The following SSUH2 variants were observed in gnomAD, a reference collection of about 807,000 sequenced individuals.
SSUH2 encodes ssu-2 homolog.
Under a neutral mutation model 55.3 loss-of-function variants are expected in SSUH2, and 47 were observed. That is an observed-to-expected ratio of 0.85 (90% CI 0.67 to 1.08). The LOEUF is 1.08. SSUH2 is among the 50% of genes least tolerant of loss of function. The pLI, the probability that SSUH2 is intolerant of heterozygous loss-of-function variation, is 0.00. For synonymous variants in SSUH2, 212 were observed against 191.5 expected (o/e 1.11, Z -0.89); for missense variants, 535 against 490.7 (o/e 1.09, Z -0.85).
chr3:8,662,376 G>A (rs1172182669), intron 6 of SSUH2, among the ~76,000 whole-genome samples: 1 of 152,186 alleles, frequency 6.6e-6, no homozygotes, highest in African/African-American at 2.4e-5. Flanking sequence ...TGTCCAGTCA[G>A]AGCCCTGACC....
chr3:8,647,274 C>T (rs372349115), upstream of SSUH2, among the ~76,000 whole-genome samples: 24 of 152,362 alleles, frequency 1.6e-4, no homozygotes, highest in African/African-American at 5.5e-4. Context: ...CCTATCCATG[C>T]GCAGGCATGC....
intron 5 of SSUH2, among the ~76,000 whole-genome samples, chr3:8,664,758 A>G (rs1357132922): frequency 6.6e-6 from 1 of 152,184 alleles, no homozygotes; most frequent in Non-Finnish European, 1.5e-5. Context: ...AATATCTCTC[A>G]TCTATGGAAA....
At chr3:8,634,800 T>C (rs1017467721) in intron 3 of SSUH2, among the ~76,000 whole-genome samples, 1 of 152,186 alleles carries the variant, frequency 6.6e-6, no homozygotes, top group South Asian at 2.1e-4. Context: ...CAAAGCTGGC[T>C]GGAAACCCTG....
In SSUH2 at chr3:8,657,836, C is replaced by T. The variant is rs769255104; in HGVS notation, c.-307+1089G>A. Among the ~76,000 whole-genome samples, 12 of 152,228 alleles carry T rather than the reference C, an allele frequency of 7.9e-5. 1 individual carries two copies. The highest frequency in any genetic ancestry group is 5.2e-4 in the Admixed American group (8 of 15,286). On this transcript the variant is annotated intron_variant, in intron 7 of 18. Transcript: ENST00000317371. ...TTGCTCAGCAGAGAACCAGGCATGGCGCCACCCTCGCTCTCCAGTATGTGT... is the reference window on the plus strand; with the variant it reads ...TTGCTCAGCAGAGAACCAGGCATGGTGCCACCCTCGCTCTCCAGTATGTGT...
intron 6 of SSUH2, chr3:8,659,498 A>G: frequency 4.1e-6 from 1 of 243,188 alleles, no homozygotes; most frequent in Non-Finnish European, 8.0e-6. Context: ...ACCTCTGGTC[A>G]TGCACACTGT....
chr3:8,675,659 C>G (rs373848728), intron 3 of SSUH2, among the ~76,000 whole-genome samples: 1 of 152,168 alleles, frequency 6.6e-6, no homozygotes, highest in Non-Finnish European at 1.5e-5. Context: ...CGAGAGACTT[C>G]TTAGGAGCTG....
intron 5 of SSUH2, among the ~76,000 whole-genome samples, chr3:8,670,230 GGA>G (rs1704402111): frequency 6.6e-6 from 1 of 152,094 alleles, no homozygotes; most frequent in Non-Finnish European, 1.5e-5. Flanking sequence ...GTCATGTGGC[GGA>G]GAGGGGTGTT....
At chr3:8,664,063 G>A (rs543655590) in intron 5 of SSUH2, among the ~76,000 whole-genome samples, 73 of 152,294 alleles carry the variant, frequency 4.8e-4, no homozygotes, top group African/African-American at 1.7e-3. Context: ...TGACCCAGGT[G>A]CCCTGCCAAG....
At chr3:8,628,099 G>A (rs1302998592) in intron 7 of SSUH2, among the ~76,000 whole-genome samples, 2 of 152,150 alleles carry the variant, frequency 1.3e-5, no homozygotes, top group Non-Finnish European at 1.5e-5. Context: ...GCGCTGGTCA[G>A]GGGCCTGGCA....
intron 5 of SSUH2, among the ~76,000 whole-genome samples, chr3:8,666,542 G>A (rs1343865994): frequency 6.6e-6 from 1 of 152,156 alleles, no homozygotes; most frequent in Admixed American, 6.6e-5. Context: ...AGGTGCGTGT[G>A]TTGGGAAAAA....
At position 8,634,677 on chromosome 3, in the gene SSUH2, G is replaced by A. The variant is rs761847119; in HGVS notation, c.209+623C>T. 77 of 977,594 alleles carry A rather than the reference G, an allele frequency of 7.9e-5. 2 individuals are homozygous for A. The South Asian group carries it at 9.2e-4, about 12-fold the overall frequency. 60.6% of individuals were successfully genotyped at this position (977,594 alleles called of 1,614,324 possible). A position where few individuals can be genotyped will look rare whatever the true frequency, so the allele number is the denominator to read the frequency against. The stretch of plus-strand genomic sequence containing the variant: ...ATGGAAAGTGGGTGTCCATGGAGGA[G>A]AAGGGGGTTGCTTCTGGCAGCAGCA... On this transcript the variant is annotated intron_variant, in intron 3 of 11. Transcript: ENST00000544814.
chr3:8,678,646 GTGGGGGGAGGCACCCCCCGCGA>G (rs1705640322), intron 2 of SSUH2, among the ~76,000 whole-genome samples: 1 of 51,246 alleles, frequency 2.0e-5, no homozygotes, highest in Non-Finnish European at 4.1e-5. Context: ...CCCCATCGCA[GTGGGGGGAGGCACCCCCCGCGA>G]GGCGGGGATT....
chr3:8,632,099 T>C lies in SSUH2; in HGVS notation c.350A>G (p.Glu117Gly). The change falls in exon 5 of 12, where the codon GAG (glutamate) becomes GGG (glycine). Residue 117 changes from glutamate (E) to glycine (G), a missense_variant. Transcript: ENST00000544814. ...KRQTLCRYRL[E>G]TFSESRISEW... is the part of the protein sequence containing the mutation. ...GCTTATCCTGGATTCACTAAAGGTC[T>C]CCAGACGGTACTAAAAGGAAAAAAA... 1.2e-6 allele frequency: 2 copies of C among 1,613,948 alleles called. No individual in the cohort carries two copies. The highest frequency in any genetic ancestry group is 1.7e-6 in the Non-Finnish European group (2 of 1,179,888).
chr3:8,675,054 C>G (rs1705080038), intron 3 of SSUH2, among the ~76,000 whole-genome samples: 1 of 152,162 alleles, frequency 6.6e-6, no homozygotes, highest in Non-Finnish European at 1.5e-5. Context: ...TGCTTGTTCC[C>G]AAGCCACGGA....
chr3:8,626,577 T>C (rs1043014135), intron 8 of SSUH2, among the ~76,000 whole-genome samples: 2 of 126,982 alleles, frequency 1.6e-5, no homozygotes, highest in African/African-American at 2.9e-5. Flanking sequence ...GTGAACAGCT[T>C]GGGATCTGGG....
chr3:8,644,183 C>T (rs1009937599), intron 1 of SSUH2, among the ~76,000 whole-genome samples: 1 of 152,140 alleles, frequency 6.6e-6, no homozygotes, highest in Non-Finnish European at 1.5e-5. Context: ...GTTTCATAAG[C>T]GATAATGAAC....
intron 4 of SSUH2, among the ~76,000 whole-genome samples, chr3:8,633,257 C>T (rs1699200989): frequency 6.6e-6 from 1 of 151,770 alleles, no homozygotes; most frequent in South Asian, 2.1e-4. Context: ...AATTGTCCTG[C>T]CTCAGCCTCC....
In SSUH2 at chr3:8,630,869, T is replaced by C; in HGVS notation, c.461A>G (p.Gln154Arg). 1 of 1,501,258 alleles carries C rather than the reference T, an allele frequency of 6.7e-7. No individual in the cohort carries two copies. Among genetic ancestry groups the C allele is most frequent in the South Asian group, 1.4e-5 (1 of 72,262 alleles). 93.0% of individuals were successfully genotyped at this position (1,501,258 alleles called of 1,614,324 possible). A position where few individuals can be genotyped will look rare whatever the true frequency, so the allele number is the denominator to read the frequency against. ...GTCTTCCTGAAACATCGGAGGACCT[T>C]GAACCTTGATGTCCCAGAGCCTGGG... ...ASPRLWDIKVQGPPMFQEDTR... is the reference protein window; with the variant it reads ...ASPRLWDIKVRGPPMFQEDTR... The change falls in exon 6 of 12, where the codon CAA (glutamine) becomes CGA (arginine). Residue 154 changes from glutamine (Q) to arginine (R), a missense_variant. Physicochemically the swap from Gln to Arg is conservative, Grantham distance 43. Coordinates refer to ENST00000544814, the MANE Select transcript of SSUH2 (RefSeq NM_001256748.3).
chr3:8,660,402 C>T (rs1485553371), intron 6 of SSUH2, among the ~76,000 whole-genome samples: 1 of 152,174 alleles, frequency 6.6e-6, no homozygotes, highest in Non-Finnish European at 1.5e-5. Context: ...CATTCATTCA[C>T]TCCAAGAAAA....
Sources: gnomAD v4.1 joint callset for allele counts (sites outside exome capture counted in the v4.1 genomes callset) on GRCh38, gnomAD v4.1.1 for gene constraint, MANE v1.5 for transcripts, NCBI Gene and HGNC (gene_info 2026-07-23, HGNC 2026-07-21) for gene names.